The following GORAB variants were observed in gnomAD, a reference collection of about 807,000 sequenced individuals.
GORAB encodes the protein RAB6-interacting golgin.
GORAB carries 17 observed loss-of-function variants against 29.9 expected under a neutral mutation model. That is an observed-to-expected ratio of 0.57 (90% CI 0.39 to 0.85). The LOEUF is 0.85. GORAB is among the 40% of genes least tolerant of loss of function. The pLI is 0.00. For synonymous variants in GORAB, 183 were observed against 157.2 expected (o/e 1.16, Z -1.23); for missense variants, 442 against 437.8 (o/e 1.01, Z -0.09).
At chr1:170,545,203 A>G (rs1649682870) in intron 4 of GORAB, 1 of 1,007,502 alleles carries the variant, frequency 9.9e-7, no homozygotes, top group Non-Finnish European at 1.2e-6. Flanking sequence ...TGTTACTCTG[A>G]CACCAAGTCT....
intron 1 of GORAB, among the ~76,000 whole-genome samples, chr1:170,536,611 T>C (rs1487273111): frequency 2.0e-5 from 3 of 152,208 alleles, no homozygotes; most frequent in Non-Finnish European, 4.4e-5. Flanking sequence ...AGCAAATTCT[T>C]GTACATGTAA....
intron 3 of GORAB, among the ~76,000 whole-genome samples, chr1:170,543,682 G>A (rs1416008503): frequency 1.4e-5 from 2 of 143,134 alleles, no homozygotes; most frequent in Admixed American, 7.3e-5. Flanking sequence ...AAGCATTTTA[G>A]TAGTCTTCAA....
chr1:170,550,357 T>C (rs543498406), intron 4 of GORAB, among the ~76,000 whole-genome samples: 6 of 152,212 alleles, frequency 3.9e-5, no homozygotes, highest in African/African-American at 7.2e-5. Flanking sequence ...TGATACAGAG[T>C]GCAGGTGGTG....
chr1:170,537,076 C>T (rs2101818201), intron 1 of GORAB, among the ~76,000 whole-genome samples: 1 of 151,856 alleles, frequency 6.6e-6, no homozygotes, highest in South Asian at 2.1e-4. Context: ...TCTTTTTTCC[C>T]TCCTTTCTTC....
rs1395554751 is a variant in GORAB at position 170,544,741 on chromosome 1, GC to G, written c.559del (p.Arg187GlyfsTer9). 2.5e-6 allele frequency: 4 copies of G among 1,613,888 alleles called. No individual in the cohort carries two copies. The highest frequency in any genetic ancestry group is 3.4e-6 in the Non-Finnish European group (4 of 1,179,918). ...CTCAGGCAGAGACCATGAAACTAAA[GC>G]GGATCCAGAAGGAGTTGCAGGCTTT... ...RTQAETMKLK[R>X]IQKELQALDD... is the part of the protein sequence containing the mutation. On this transcript the variant is annotated frameshift_variant, in exon 4 of 5. Coordinates refer to ENST00000367763, the MANE Select transcript of GORAB (RefSeq NM_152281.3). LOFTEE classifies it high-confidence loss of function.
chr1:170,537,978 C>G (rs1011153692), intron 1 of GORAB, among the ~76,000 whole-genome samples: 2 of 152,094 alleles, frequency 1.3e-5, no homozygotes, highest in African/African-American at 4.8e-5. Flanking sequence ...AAGATCAGAG[C>G]CAAGAATGTG....
Position 170,552,368 on chromosome 1 carries a change from A to G in GORAB, c.1016A>G (p.Asp339Gly), listed in dbSNP as rs1378868538. The change falls in exon 5 of 5, where the codon GAT becomes GGT. Residue 339 changes from aspartate to glycine, a missense_variant. Coordinates refer to ENST00000367763, the MANE Select transcript of GORAB (RefSeq NM_152281.3). ...GAACAAGCTGTTTCCCCAAAGGTAG[A>G]TGACCAGTGTGGAAATTCCAGTAGC... Reference protein sequence around the residue: ...CQEQAVSPKVDDQCGNSSSIP... With the variant: ...CQEQAVSPKVGDQCGNSSSIP... The G allele has an allele frequency of 6.2e-7, 1 of 1,613,978 alleles. No individual in the cohort carries two copies. Among genetic ancestry groups the G allele is most frequent in the African/African-American group, 1.3e-5 (1 of 74,922 alleles).
In GORAB at chr1:170,552,279, G is replaced by A. The variant is rs1571262512; in HGVS notation, c.927G>A (p.Arg309=). The A allele has an allele frequency of 6.2e-7, 1 of 1,614,140 alleles. No individual in the cohort carries two copies. The highest frequency in any genetic ancestry group is 8.5e-7 in the Non-Finnish European group (1 of 1,179,984). The change falls in exon 5 of 5, where the codon AGG becomes AGA. Residue 309 remains arginine, a synonymous_variant. Transcript: ENST00000367763. ...ESRRPVVRLE[R]PFQPAEESVT... is the part of the protein sequence containing the mutation. ...GGAGACCAGTGGTTCGTTTAGAGAG[G>A]CCATTTCAGCCTGCGGAGGAGAGTG...
intron 1 of GORAB, among the ~76,000 whole-genome samples, chr1:170,537,403 C>G (rs1485216875): frequency 6.6e-6 from 1 of 152,112 alleles, no homozygotes; most frequent in East Asian, 1.9e-4. Context: ...ACTGACTGTA[C>G]AGTCAGCCTA....
rs548891006 is a variant in GORAB, at chr1:170,552,789, G to A, written c.*327G>A. The A allele has an allele frequency of 3.6e-4, 167 of 462,030 alleles. No homozygotes were observed. The highest frequency in any genetic ancestry group is 3.1e-3 in the African/African-American group (158 of 50,450). The allele number at this position is 462,030 out of a possible 1,614,324, so 28.6% of individuals were successfully genotyped here. On this transcript the variant is annotated 3_prime_UTR_variant, in exon 5 of 5. Transcript: ENST00000367763. ...TCAGATAAATATAGAAAAGTAAAATGGAAAATGATACTCAATACCTAGTTA... is the reference window on the plus strand; with the variant it reads ...TCAGATAAATATAGAAAAGTAAAATAGAAAATGATACTCAATACCTAGTTA...
chr1:170,536,805 CAG>C (rs767034048), intron 1 of GORAB, among the ~76,000 whole-genome samples: 16 of 152,108 alleles, frequency 1.1e-4, no homozygotes, highest in Non-Finnish European at 2.2e-4. Context: ...TTAAGTAAAA[CAG>C]ATGTACAGCA....
chr1:170,542,411 T>G, intron 2 of GORAB, 80 bp from the exon 3 acceptor site: 2 of 817,074 alleles, frequency 2.4e-6, no homozygotes, highest in East Asian at 2.5e-5. Flanking sequence ...CTTAGAGGAC[T>G]GAGACTGGTA....
chr1:170,551,862 A>G (rs1390816596), intron 4 of GORAB, among the ~76,000 whole-genome samples, 153 bp from the exon 5 acceptor site: 1 of 152,210 alleles, frequency 6.6e-6, no homozygotes, highest in African/African-American at 2.4e-5. Context: ...AGTCTGGCCA[A>G]CATGTAGACA....
rs1397247338 is a variant in GORAB at position 170,546,121 on chromosome 1, T to C, written c.662+1276T>C. ...AGTTGAAATTTGAGGCCGGGCACGGTGGCTCACGCCTGTAATCTCAGCATT... is the reference window on the plus strand; with the variant it reads ...AGTTGAAATTTGAGGCCGGGCACGGCGGCTCACGCCTGTAATCTCAGCATT... On this transcript the variant is annotated intron_variant, in intron 4 of 4. Transcript: ENST00000367763. 2.6e-5 allele frequency among the ~76,000 whole-genome samples: 4 copies of C among 152,180 alleles called. No individual in the cohort carries two copies. The East Asian group carries it at 7.7e-4, about 29-fold the overall frequency.
At chr1:170,534,408 T>G (rs1648917140) in intron 1 of GORAB, among the ~76,000 whole-genome samples, 1 of 152,152 alleles carries the variant, frequency 6.6e-6, no homozygotes, top group Non-Finnish European at 1.5e-5. Flanking sequence ...GTGTATGTGG[T>G]CTTCACAGCG....
chr1:170,539,701 T>G (rs1057051073), intron 2 of GORAB, 134 bp downstream of exon 2: 11 of 939,922 alleles, frequency 1.2e-5, no homozygotes, highest in South Asian at 5.2e-5. Context: ...AGGAATGTGA[T>G]GTATAAACTA....
Position 170,539,430 on chromosome 1 carries a change from C to T in GORAB, c.282C>T (p.Pro94=), listed in dbSNP as rs767686838. The change falls in exon 2 of 5, where the codon CCC becomes CCT. Residue 94 remains proline (P), a synonymous_variant. Coordinates refer to ENST00000367763, the MANE Select transcript of GORAB (RefSeq NM_152281.3). ...CGAGTCATTTCACTCTCACCTCCCC[C>T]GTTGGTGATGGACAACCACAGGGCA... ...TLPSHFTLTS[P]VGDGQPQGIE... The T allele has an allele frequency of 2.5e-5, 41 of 1,613,974 alleles. No individual in the cohort carries two copies. Among genetic ancestry groups the T allele is most frequent in the African/African-American group, 1.1e-4 (8 of 74,924 alleles).
At position 170,533,864 on chromosome 1, in the gene GORAB, G is replaced by T. The variant is rs954615008; in HGVS notation, c.61+1580G>T. Among the ~76,000 whole-genome samples the T allele has an allele frequency of 2.6e-5, 4 of 152,208 alleles. No homozygotes were observed. In the East Asian group the frequency reaches 7.7e-4, roughly 29 times the overall value. ...CCTTGTATACCCGTAGCTAAACACA[G>T]TGATTGGCATATAGAACTTCCAGCT... On this transcript the variant is annotated intron_variant, in intron 1 of 4. Coordinates refer to ENST00000367763, the MANE Select transcript of GORAB (RefSeq NM_152281.3).
At chr1:170,546,720 T>C (rs1324089710) in intron 4 of GORAB, among the ~76,000 whole-genome samples, 1 of 152,102 alleles carries the variant, frequency 6.6e-6, no homozygotes. Context: ...GTATCACTCT[T>C]ATTGCCCAGG....
Sources: gnomAD v4.1 joint callset for allele counts (sites outside exome capture counted in the v4.1 genomes callset) on GRCh38, gnomAD v4.1.1 for gene constraint, MANE v1.5 for transcripts, NCBI Gene and HGNC (gene_info 2026-07-23, HGNC 2026-07-21) for gene names.